ZNF536: variants seen among roughly 807,000 people sequenced by gnomAD.
The protein encoded by ZNF536 is zinc finger protein 536.
Under a neutral mutation model 84.5 loss-of-function variants are expected in ZNF536, and 13 were observed. The ratio of observed to expected loss-of-function variants is 0.15; its 90% confidence interval spans 0.10 to 0.24. ZNF536 has a LOEUF of 0.24. Ranked by LOEUF, ZNF536 falls within the 10% of genes least tolerant of loss-of-function variation. The pLI, the probability that ZNF536 is intolerant of heterozygous loss-of-function variation, is 1.00. For missense variants in ZNF536, 1,536 were observed against 1,747.5 expected, an observed-to-expected ratio of 0.88 and a Z score of 2.16; for synonymous variants, 811 against 742.5, an observed-to-expected ratio of 1.09 and a Z score of -1.50.
In ZNF536 at chr19:30,678,740, C is replaced by CG. The variant is rs1555835780; in HGVS notation, c.170-32017_170-32016insG. Among the ~76,000 whole-genome samples the CG allele has an allele frequency of 4.6e-4, 69 of 150,440 alleles. 2 individuals carry two copies. In the South Asian group the frequency reaches 9.5e-3, roughly 21 times the overall value. ...CTTGGTACCCACCCCCAAGCCCCCC[C>CG]ACACACACCTATACCCTTACTGTTT... On this transcript the variant is annotated intron_variant, in intron 1 of 1. Coordinates refer to the ZNF536 transcript ENST00000592773.
intron 2 of ZNF536, among the ~76,000 whole-genome samples, chr19:30,473,296 T>G (rs916703974): frequency 3.3e-5 from 5 of 152,132 alleles, no homozygotes; most frequent in African/African-American, 1.2e-4. Context: ...CAAAACACCC[T>G]GGCCTCTGAT....
chr19:30,711,668 T>C (rs995991321), exon 2 of ZNF536: 1 of 152,160 alleles, frequency 6.6e-6, no homozygotes, highest in Non-Finnish European at 1.5e-5. Context: ...AAATCAATGA[T>C]CAGGAAGTGT....
chr19:30,672,744 T>C (rs1205063859), intron 1 of ZNF536, among the ~76,000 whole-genome samples: 2 of 152,154 alleles, frequency 1.3e-5, no homozygotes, highest in African/African-American at 4.8e-5. Context: ...AAGATAAGGA[T>C]TTAGGCACAG....
chr19:30,565,090 AG>A (rs2046304056), intron 1 of ZNF536, among the ~76,000 whole-genome samples: 1 of 151,756 alleles, frequency 6.6e-6, no homozygotes, highest in African/African-American at 2.4e-5. Flanking sequence ...ATCTCAAACG[AG>A]GGTGACCATC....
In ZNF536 at chr19:30,324,087, A is replaced by G. The variant is rs533174041; in HGVS notation, c.-119-28281A>G. Among the ~76,000 whole-genome samples, 107 of 150,974 alleles carry G rather than the reference A, an allele frequency of 7.1e-4. No homozygotes were observed. The South Asian group carries it at 0.021, about 30-fold the overall frequency. On this transcript the variant is annotated intron_variant, in intron 2 of 5. Coordinates refer to the ZNF536 transcript ENST00000585628. ...ACTTATTCATCATCATCCATCATCT[A>G]TTCATCCATCTATCATCCATCATCA...
At chr19:30,631,049 G>C (rs1358420570) in intron 1 of ZNF536, among the ~76,000 whole-genome samples, 1 of 152,142 alleles carries the variant, frequency 6.6e-6, no homozygotes, top group African/African-American at 2.4e-5. Flanking sequence ...GGCATCAGAG[G>C]CTCCAGGCTC....
At chr19:30,403,052 T>G (rs1297460015) in intron 1 of ZNF536, among the ~76,000 whole-genome samples, 1 of 151,976 alleles carries the variant, frequency 6.6e-6, no homozygotes, top group Non-Finnish European at 1.5e-5. Context: ...CTCTGGGCTT[T>G]CACATACAGA....
intron 1 of ZNF536, among the ~76,000 whole-genome samples, chr19:30,278,201 G>A (rs1343725068): frequency 6.6e-6 from 1 of 152,228 alleles, no homozygotes; most frequent in Non-Finnish European, 1.5e-5. Flanking sequence ...AGGATTCCTG[G>A]GAGGCAGAAG....
chr19:30,307,836 C>T (rs771728320), intron 2 of ZNF536, among the ~76,000 whole-genome samples: 6 of 152,252 alleles, frequency 3.9e-5, no homozygotes, highest in Middle Eastern at 6.8e-3. Context: ...AAGCTTTTAG[C>T]GAGTTGCTCT....
intron 1 of ZNF536, among the ~76,000 whole-genome samples, chr19:30,261,285 G>A (rs1427162605): frequency 1.1e-4 from 12 of 105,530 alleles, no homozygotes; most frequent in Non-Finnish European, 1.9e-4. Context: ...GCGACAGAGC[G>A]AGACTCCGTC....
chr19:30,535,049 C>T (rs1387217509), intron 3 of ZNF536, 50 bp downstream of exon 3: 2 of 1,549,716 alleles, frequency 1.3e-6, no homozygotes, highest in Admixed American at 1.9e-5. Flanking sequence ...AGGAGGAGGT[C>T]CCCGTCCTGC....
At chr19:30,328,687 G>C (rs1424953389) in intron 2 of ZNF536, among the ~76,000 whole-genome samples, 2 of 152,228 alleles carry the variant, frequency 1.3e-5, no homozygotes, top group Non-Finnish European at 2.9e-5. Context: ...AGGAGGGAGA[G>C]ATTTGCTGGA....
chr19:30,666,844 A>ATG (rs1363761691), intron 1 of ZNF536, among the ~76,000 whole-genome samples: 57 of 151,744 alleles, frequency 3.8e-4, no homozygotes, highest in African/African-American at 1.1e-3. Flanking sequence ...ATATATATAT[A>ATG]TATATGTATG....
chr19:30,664,780 A>G (rs1287302545), intron 1 of ZNF536, among the ~76,000 whole-genome samples: 2 of 152,154 alleles, frequency 1.3e-5, no homozygotes, highest in African/African-American at 4.8e-5. Flanking sequence ...GGCATCAAAG[A>G]GCGCTTTCTG....
intron 2 of ZNF536, among the ~76,000 whole-genome samples, chr19:30,505,318 A>T (rs1436121103): frequency 1.4e-5 from 2 of 147,116 alleles, no homozygotes; most frequent in Non-Finnish European, 3.0e-5. Flanking sequence ...ATTTTAATGA[A>T]TATTATTATA....
At chr19:30,383,713 TTC>T (rs1303602578) in intron 1 of ZNF536, among the ~76,000 whole-genome samples, 1 of 51,254 alleles carries the variant, frequency 2.0e-5, no homozygotes, top group African/African-American at 6.2e-5. Flanking sequence ...CTTTCTTTCT[TTC>T]TTTCTTTCTT....
chr19:30,241,685 G>T (rs1260680074), intron 1 of ZNF536, among the ~76,000 whole-genome samples: 1 of 152,212 alleles, frequency 6.6e-6, no homozygotes, highest in Non-Finnish European at 1.5e-5. Context: ...ACTGCACTCT[G>T]GGCAGCACCA....
At chr19:30,334,039 A>G (rs1054030307) in intron 2 of ZNF536, among the ~76,000 whole-genome samples, 9 of 152,336 alleles carry the variant, frequency 5.9e-5, no homozygotes, top group Admixed American at 1.3e-4. Flanking sequence ...TGCAAAAGCA[A>G]GCTGCTAATT....
upstream of ZNF536, among the ~76,000 whole-genome samples, chr19:30,371,890 C>A (rs1028401679): frequency 6.6e-6 from 1 of 151,764 alleles, no homozygotes; most frequent in Non-Finnish European, 1.5e-5. Context: ...CATTTAATAT[C>A]TGCCACCTTT....
Sources: gnomAD v4.1 joint callset for allele counts (sites outside exome capture counted in the v4.1 genomes callset) on GRCh38, gnomAD v4.1.1 for gene constraint, MANE v1.5 for transcripts, NCBI Gene and HGNC (gene_info 2026-07-23, HGNC 2026-07-21) for gene names.